The following DPP10 variants were observed in gnomAD, a reference collection of about 807,000 sequenced individuals.
The protein encoded by DPP10 is dipeptidyl peptidase like 10.
In DPP10, 33 loss-of-function variants were observed where a neutral mutation model predicts 120.9. That is an observed-to-expected ratio of 0.27 (90% CI 0.21 to 0.37). DPP10 has a LOEUF of 0.37. Ranked by LOEUF, DPP10 falls within the 10% of genes least tolerant of loss-of-function variation. The pLI, the probability that DPP10 is intolerant of heterozygous loss-of-function variation, is 1.00. For synonymous variants in DPP10, 337 were observed against 326.1 expected (o/e 1.03, Z -0.36); for missense variants, 816 against 942.8 (o/e 0.87, Z 1.76).
chr2:115,141,005 G>A (rs2050900517), intron 1 of DPP10, among the ~76,000 whole-genome samples: 1 of 151,410 alleles, frequency 6.6e-6, no homozygotes, highest in Admixed American at 6.6e-5. Context: ...AATCACCAGA[G>A]TTTGTGAATT....
intron 5 of DPP10, among the ~76,000 whole-genome samples, chr2:115,675,579 G>A (rs2090190553): frequency 6.6e-6 from 1 of 152,154 alleles, no homozygotes; most frequent in Non-Finnish European, 1.5e-5. Flanking sequence ...TTGGCTCAGA[G>A]CCAAGAGGTA....
chr2:115,574,563 A>C (rs552448917), intron 5 of DPP10, among the ~76,000 whole-genome samples: 59 of 152,210 alleles, frequency 3.9e-4, no homozygotes, highest in Non-Finnish European at 6.9e-4. Flanking sequence ...TTTCTTAAAC[A>C]CTCTATCTGG....
intron 1 of DPP10, among the ~76,000 whole-genome samples, chr2:114,800,521 C>A (rs1057430675): frequency 2.0e-5 from 3 of 152,170 alleles, no homozygotes; most frequent in African/African-American, 7.2e-5. Context: ...ACAAAAGAGT[C>A]TTACAAGGAA....
chr2:115,552,973 A>G (rs547887138), intron 5 of DPP10, among the ~76,000 whole-genome samples: 44 of 152,218 alleles, frequency 2.9e-4, no homozygotes, highest in African/African-American at 1.0e-3. Context: ...AACTAGGTTT[A>G]TTCAGCTGTG....
rs776496700 is a variant in DPP10 at position 115,689,928 on chromosome 2, G to T, written c.576+7G>T. 2 of 1,613,646 alleles carry T rather than the reference G, an allele frequency of 1.2e-6. No individual in the cohort carries two copies. The highest frequency in any genetic ancestry group is 2.2e-5 in the East Asian group (1 of 44,844). Reference sequence around the variant, plus strand: ...TGTCCAAGGGCAGCAGCTGGTAAGCGCAGGCATTGGTATGCACTGAACACT... The same window carrying T: ...TGTCCAAGGGCAGCAGCTGGTAAGCTCAGGCATTGGTATGCACTGAACACT... On this transcript the variant is annotated splice_region_variant and intron_variant, in intron 7 of 25. Coordinates refer to ENST00000410059, the MANE Select transcript of DPP10 (RefSeq NM_020868.6).
chr2:115,081,513 G>A (rs1287420251), intron 1 of DPP10, among the ~76,000 whole-genome samples: 1 of 152,040 alleles, frequency 6.6e-6, no homozygotes, highest in Non-Finnish European at 1.5e-5. Flanking sequence ...ATATCTTTTA[G>A]TTGGTCCTTC....
chr2:115,683,955 A>T (rs6729794), intron 5 of DPP10, among the ~76,000 whole-genome samples: 1 of 151,878 alleles, frequency 6.6e-6, no homozygotes, highest in Non-Finnish European at 1.5e-5. Flanking sequence ...TAAATAAAAA[A>T]TCGCTTGTAC....
intron 7 of DPP10, among the ~76,000 whole-genome samples, chr2:115,706,346 A>G (rs2092104116): frequency 6.6e-6 from 1 of 152,054 alleles, no homozygotes; most frequent in African/African-American, 2.4e-5. Flanking sequence ...TTGTTTTCCA[A>G]TGTAAATCAC....
At position 114,729,449 on chromosome 2, in the gene DPP10, A is replaced by G. The variant is rs114346531; in HGVS notation, c.60+286611A>G. ...TCTGTCATGGGTGGGTTTCACCTCC[A>G]AGGATGCAGTGAACTCAGAAACATG... is the stretch of plus-strand genomic sequence containing the variant. On this transcript the variant is annotated intron_variant, in intron 1 of 25. Transcript: ENST00000410059. Among the ~76,000 whole-genome samples, 132 of 152,334 alleles carry G rather than the reference A, an allele frequency of 8.7e-4. 1 individual carries two copies. The highest frequency in any genetic ancestry group is 3.1e-3 in the African/African-American group (127 of 41,588).
At chr2:115,451,472 T>C (rs1421771060) in intron 3 of DPP10, among the ~76,000 whole-genome samples, 1 of 151,896 alleles carries the variant, frequency 6.6e-6, no homozygotes, top group Non-Finnish European at 1.5e-5. Context: ...TTGCCAATTG[T>C]CTCTAGCTCC....
chr2:115,582,842 T>G (rs750931788), intron 5 of DPP10, among the ~76,000 whole-genome samples: 70 of 152,216 alleles, frequency 4.6e-4, no homozygotes, highest in Non-Finnish European at 8.4e-4. Context: ...ATATCACTTA[T>G]TCTCTTGAAT....
At chr2:115,712,805 T>C (rs762853378) in intron 7 of DPP10, among the ~76,000 whole-genome samples, 2 of 151,712 alleles carry the variant, frequency 1.3e-5, no homozygotes, top group Non-Finnish European at 2.9e-5. Context: ...AATACAAGCC[T>C]ACAAATGAAA....
intron 1 of DPP10, among the ~76,000 whole-genome samples, chr2:114,943,838 A>G (rs1697153112): frequency 6.6e-6 from 1 of 152,180 alleles, no homozygotes; most frequent in African/African-American, 2.4e-5. Context: ...ATTTCTTTTC[A>G]TTGTTTTTAA....
intron 1 of DPP10, among the ~76,000 whole-genome samples, chr2:115,292,892 T>C (rs1319973822): frequency 6.6e-6 from 1 of 152,076 alleles, no homozygotes; most frequent in East Asian, 1.9e-4. Context: ...TTGTGGCAGT[T>C]TGAAAGACAA....
chr2:115,288,241 A>G lies in DPP10; in HGVS notation c.61-20998A>G, dbSNP rs561873626. On this transcript the variant is annotated intron_variant, in intron 1 of 25. Coordinates refer to ENST00000410059, the MANE Select transcript of DPP10 (RefSeq NM_020868.6). The stretch of plus-strand genomic sequence containing the variant: ...ACCATTCTGGCTGGAGTAAGGTGGT[A>G]TCTTGTTGTGGTTTTAATTTGCATT... Among the ~76,000 whole-genome samples the G allele has an allele frequency of 7.7e-4, 117 of 151,832 alleles. 1 individual carries two copies. Among genetic ancestry groups the G allele is most frequent in the African/African-American group, 2.7e-3 (110 of 41,420 alleles).
At chr2:114,599,289 T>G (rs2105216068) in intron 1 of DPP10, among the ~76,000 whole-genome samples, 1 of 151,936 alleles carries the variant, frequency 6.6e-6, no homozygotes, top group Non-Finnish European at 1.5e-5. Context: ...TTTCTGTGGG[T>G]TTTGACAAAA....
chr2:115,387,443 T>C (rs2067021969), intron 3 of DPP10, among the ~76,000 whole-genome samples: 1 of 152,238 alleles, frequency 6.6e-6, no homozygotes. Flanking sequence ...GATATTGTCC[T>C]CATAACCAAA....
intron 1 of DPP10, among the ~76,000 whole-genome samples, chr2:114,652,467 G>T (rs1696663468): frequency 6.6e-6 from 1 of 152,138 alleles, no homozygotes; most frequent in Non-Finnish European, 1.5e-5. Flanking sequence ...CCAGTAGCTG[G>T]CATTAAATTA....
intron 1 of DPP10, among the ~76,000 whole-genome samples, chr2:115,110,985 A>G (rs1388360055): frequency 1.3e-5 from 2 of 152,192 alleles, no homozygotes; most frequent in Non-Finnish European, 2.9e-5. Context: ...TTTTAAAAAT[A>G]TAAGCACAAT....
Sources: allele counts gnomAD v4.1 joint callset (sites outside exome capture counted in the v4.1 genomes callset), GRCh38; gene constraint gnomAD v4.1.1; transcripts MANE v1.5; gene names NCBI Gene and HGNC (gene_info 2026-07-23, HGNC 2026-07-21).